MAX: variants seen among roughly 807,000 people sequenced by gnomAD.
The protein encoded by MAX is MYC associated transcriptional regulator X, also known as protein max.
MAX carries 3 observed loss-of-function variants against 22.3 expected under a neutral mutation model. The ratio of observed to expected loss-of-function variants is 0.13; its 90% CI spans 0.06 to 0.35. The LOEUF (loss-of-function observed/expected upper bound fraction) is 0.35. Among genes scored for constraint, MAX ranks in the 10% least tolerant of loss-of-function variants. MAX has a pLI of 1.00. For missense variants in MAX, 119 were observed against 209.4 expected (o/e 0.57, Z 2.66); for synonymous variants, 72 against 77.7 (o/e 0.93, Z 0.39).
downstream of MAX, among the ~76,000 whole-genome samples, chr14:65,071,178 G>GAAAACA: frequency 6.6e-6 from 1 of 151,900 alleles, no homozygotes; most frequent in African/African-American, 2.4e-5. This position sits in a 1 kb window ranked among gnomAD's most constrained non-coding sequence, Gnocchi z 4.2. Context: ...GTCTTGCTGT[G>GAAAACA]TCACCCAGGC....
At position 65,012,266 on chromosome 14, in the gene MAX, G is replaced by A; in HGVS notation, c.172-5982C>T. 6.2e-7 allele frequency: 1 copy of A among 1,608,952 alleles called. No homozygotes were observed. Among genetic ancestry groups the A allele is most frequent in the Non-Finnish European group, 8.5e-7 (1 of 1,175,740 alleles). On this transcript the variant is annotated intron_variant, in intron 3 of 3. Transcript: ENST00000341653. This position sits in a 1 kb window ranked among gnomAD's most constrained non-coding sequence, Gnocchi z 5.0. ...TGTGTACGTGCACATACGTGTGTAT[G>A]GTGGAAGCATAAGCTATTAGAATGG...
In MAX at chr14:65,078,203, AT is replaced by A. The variant is rs534941322; in HGVS notation, c.172-168del. Among the ~76,000 whole-genome samples the A allele has an allele frequency of 9.0e-5, 13 of 144,684 alleles. No individual in the cohort carries two copies. The East Asian group carries it at 2.3e-3, about 25-fold the overall frequency. 94.9% of individuals were successfully genotyped at this position (144,684 alleles called of 152,430 possible). A position where few individuals can be genotyped will look rare whatever the true frequency, so the allele number is the denominator to read the frequency against. ...TACTGTAGGCTTTATTTATTTATTT[AT>A]TTTTTTATTTTTTTGAGACAGAGTT... is the stretch of plus-strand genomic sequence containing the variant. On this transcript the variant is annotated intron_variant, in intron 3 of 4. Transcript: ENST00000358664. The surrounding 1 kb of genome is among the most constrained non-coding windows in gnomAD (Gnocchi z 6.4).
chr14:65,054,459 C>T lies in MAX; in HGVS notation c.171+39249G>A. 9.5e-7 allele frequency: 1 copy of T among 1,052,268 alleles called. No homozygotes were observed. The highest frequency in any genetic ancestry group is 1.4e-6 in the Non-Finnish European group (1 of 724,698). The allele number at this position is 1,052,268 out of a possible 1,614,324, so 65.2% of individuals were successfully genotyped here. On this transcript the variant is annotated intron_variant, in intron 3 of 3. Coordinates refer to the MAX transcript ENST00000341653. The surrounding 1 kb of genome is among the most constrained non-coding windows in gnomAD (Gnocchi z 4.4). ...GGGAAAACCATGCCTCCTCTAGCCA[C>T]ATGGAGGATGGGGGGGGACGTGTGA...
At chr14:65,015,595 G>A in intron 3 of MAX, 1 of 1,611,698 alleles carries the variant, frequency 6.2e-7, no homozygotes, top group Non-Finnish European at 8.5e-7. Flanking sequence ...TTGTGAATAA[G>A]GGATGTTTTC....
intron 3 of MAX, among the ~76,000 whole-genome samples, chr14:65,091,182 G>A (rs965819286): frequency 2.6e-5 from 4 of 152,084 alleles, no homozygotes; most frequent in African/African-American, 9.7e-5. Flanking sequence ...ATCTAAGAAT[G>A]AGCCTATTTC....
At chr14:65,086,193 C>T (rs207474917) in intron 3 of MAX, among the ~76,000 whole-genome samples, 6 of 152,172 alleles carry the variant, frequency 3.9e-5, no homozygotes, top group African/African-American at 1.2e-4. Flanking sequence ...CATTAAACCT[C>T]TTTCTTTTGT....
At chr14:65,067,772 C>G (rs2062946207) in intron 3 of MAX, among the ~76,000 whole-genome samples, 1 of 151,704 alleles carries the variant, frequency 6.6e-6, no homozygotes, top group Non-Finnish European at 1.5e-5. Context: ...CAGGCACACA[C>G]CACCATGTGC....
At chr14:65,073,277 A>T (rs1364499355), downstream of MAX, among the ~76,000 whole-genome samples, 1 of 152,190 alleles carries the variant, frequency 6.6e-6, no homozygotes, top group African/African-American at 2.4e-5. Flanking sequence ...CACACATGAT[A>T]CTATCAGAAA....
In MAX at chr14:65,053,347, C is replaced by A. The variant is rs148608658; in HGVS notation, c.171+40361G>T. The A allele has an allele frequency of 2.5e-5, 36 of 1,424,372 alleles. No individual in the cohort carries two copies. In the African/African-American group the frequency reaches 5.1e-4, roughly 20 times the overall value. The allele number at this position is 1,424,372 out of a possible 1,614,324, so 88.2% of individuals were successfully genotyped here. A position where few individuals can be genotyped will look rare whatever the true frequency, so the allele number is the denominator to read the frequency against. ...CGGGGGGGCTTCTGGATAAACCTGG[C>A]AAGTGAGTGTTTTCTCTCTGGGGAG... On this transcript the variant is annotated intron_variant, in intron 3 of 3. Transcript: ENST00000341653.
At chr14:65,099,261 G>A (rs2063758024) in intron 2 of MAX, among the ~76,000 whole-genome samples, 1 of 151,950 alleles carries the variant, frequency 6.6e-6, no homozygotes, top group Non-Finnish European at 1.5e-5. Context: ...ATTACATTGT[G>A]CAGAGTAATA....
rs539220905 is a variant in MAX, at chr14:65,076,101, C to T, written c.*375G>A. On this transcript the variant is annotated 3_prime_UTR_variant, in exon 5 of 5. Transcript: ENST00000358664. The surrounding 1 kb of genome is among the most constrained non-coding windows in gnomAD (Gnocchi z 6.6). ...CAGGAGGCCACCTGGGCAGGGCAGG[C>T]GTCCCCCGGGCATGTGCCCGGCAGG... 6.4e-5 allele frequency: 81 copies of T among 1,267,658 alleles called. No individual in the cohort carries two copies. Among genetic ancestry groups the T allele is most frequent in the African/African-American group, 1.6e-4 (11 of 66,672 alleles). 78.5% of individuals were successfully genotyped at this position (1,267,658 alleles called of 1,614,324 possible). A position where few individuals can be genotyped will look rare whatever the true frequency, so the allele number is the denominator to read the frequency against.
In MAX at chr14:65,021,847, T is replaced by C. The variant is rs1299846453; in HGVS notation, c.172-15563A>G. The C allele has an allele frequency of 1.1e-5, 5 of 439,028 alleles. No individual in the cohort carries two copies. The East Asian group carries it at 2.1e-4, about 19-fold the overall frequency. The allele number at this position is 439,028 out of a possible 1,614,324, so 27.2% of individuals were successfully genotyped here. ...TTTTAGTAGAGATGGGGTTTCACCA[T>C]GTTGGCCAGGCTGGTCTCAAACTCC... is the stretch of plus-strand genomic sequence containing the variant. On this transcript the variant is annotated intron_variant, in intron 3 of 3. Transcript: ENST00000341653.
At position 65,084,090 on chromosome 14, in the gene MAX, T is replaced by C. The variant is rs373213203; in HGVS notation, c.172-6054A>G. On this transcript the variant is annotated intron_variant, in intron 3 of 4. Coordinates refer to ENST00000358664, the MANE Select transcript of MAX (RefSeq NM_002382.5). The surrounding 1 kb of genome is among the most constrained non-coding windows in gnomAD (Gnocchi z 4.3). The stretch of plus-strand genomic sequence containing the variant: ...CCAGCCACAGGACCATTTTGCTGAT[T>C]ACCAGGGTAAGGCAGAGCTATCAGC... 2.0e-4 allele frequency: 320 copies of C among 1,599,670 alleles called. 5 individuals carry two copies. In the African/African-American group the frequency reaches 3.8e-3, roughly 19 times the overall value.
intron 3 of MAX, chr14:65,061,513 A>G: frequency 1.2e-6 from 1 of 869,396 alleles, no homozygotes; most frequent in Non-Finnish European, 1.7e-6. Context: ...TTCTTTCCAC[A>G]CCTGTCAAAC....
intron 2 of MAX, among the ~76,000 whole-genome samples, chr14:65,097,253 G>A (rs978649407): frequency 4.6e-5 from 7 of 152,228 alleles, no homozygotes; most frequent in Non-Finnish European, 1.0e-4. Context: ...TGTTAGCCAA[G>A]AAGTTGCTAT....
intron 3 of MAX, chr14:65,061,225 C>G: frequency 6.2e-7 from 1 of 1,614,184 alleles, no homozygotes; most frequent in South Asian, 1.1e-5. Flanking sequence ...ACAAGGTGAT[C>G]CAGGCCACTA....
At chr14:65,034,824 G>T (rs2062154195) in intron 3 of MAX, among the ~76,000 whole-genome samples, 1 of 152,220 alleles carries the variant, frequency 6.6e-6, no homozygotes, top group Admixed American at 6.5e-5. Context: ...GAGTCTTCCT[G>T]TGCTGAGTGA....
At chr14:65,040,966 G>A in intron 3 of MAX, 1 of 1,601,844 alleles carries the variant, frequency 6.2e-7, no homozygotes, top group Non-Finnish European at 8.5e-7. Context: ...AGGTCATGGT[G>A]ATGTGATTGT....
intron 3 of MAX, among the ~76,000 whole-genome samples, chr14:65,048,804 A>T (rs572498636): frequency 1.3e-5 from 2 of 152,060 alleles, no homozygotes; most frequent in Non-Finnish European, 2.9e-5. Flanking sequence ...GCAGGCAGAG[A>T]GTGCCACTGC....
Sources: allele counts gnomAD v4.1 joint callset (sites outside exome capture counted in the v4.1 genomes callset), GRCh38; gene constraint gnomAD v4.1.1; non-coding constraint Gnocchi (gnomAD v3.1); transcripts MANE v1.5; gene names NCBI Gene and HGNC (gene_info 2026-07-23, HGNC 2026-07-21).